The following RUFY3 variants were observed in gnomAD, a reference collection of about 807,000 sequenced individuals.
RUFY3 encodes the protein protein RUFY3.
RUFY3 carries 34 observed loss-of-function variants against 84.0 expected under a neutral mutation model. That is an observed-to-expected ratio of 0.40 (90% confidence interval 0.31 to 0.54). RUFY3 has a LOEUF of 0.54. Among genes scored for constraint, RUFY3 ranks in the 20% least tolerant of loss-of-function variants. The pLI is 0.39. For missense variants in RUFY3, 507 were observed against 736.8 expected (o/e 0.69, Z 3.61); for synonymous variants, 242 against 252.9 (o/e 0.96, Z 0.41).
chr4:70,734,394 A>G, intron 1 of RUFY3: 3 of 985,414 alleles, frequency 3.0e-6, no homozygotes, highest in Non-Finnish European at 3.6e-6. Context: ...CCACCAGTGC[A>G]GTCAGCCTTA....
At chr4:70,772,762 G>A (rs902141210) in intron 5 of RUFY3, among the ~76,000 whole-genome samples, 1 of 152,104 alleles carries the variant, frequency 6.6e-6, no homozygotes, top group Non-Finnish European at 1.5e-5. Flanking sequence ...CTGGATTCAA[G>A]CAATTCTCCT....
upstream of RUFY3, among the ~76,000 whole-genome samples, chr4:70,719,901 T>TTGAATGAA (rs542876190): frequency 6.6e-6 from 1 of 152,214 alleles, no homozygotes; most frequent in Admixed American, 6.5e-5. Flanking sequence ...TGAATATCTG[T>TTGAATGAA]TGAATGAATG....
At chr4:70,794,103 G>A (rs1425724901) in intron 13 of RUFY3, among the ~76,000 whole-genome samples, 199 bp downstream of exon 13, 1 of 152,094 alleles carries the variant, frequency 6.6e-6, no homozygotes, top group African/African-American at 2.4e-5. Flanking sequence ...CAAAGAATTA[G>A]GAAATTAGAG....
chr4:70,767,174 C>T (rs2148718478), intron 4 of RUFY3, among the ~76,000 whole-genome samples: 1 of 152,062 alleles, frequency 6.6e-6, no homozygotes, highest in East Asian at 1.9e-4. Context: ...CAATCTCCGC[C>T]TCCCAGGTTC....
chr4:70,753,004 TAAC>T (rs1272884507), intron 1 of RUFY3, among the ~76,000 whole-genome samples: 1 of 152,240 alleles, frequency 6.6e-6, no homozygotes, highest in South Asian at 2.1e-4. Flanking sequence ...TGGTAGATTT[TAAC>T]AACGAGACTA....
In RUFY3 at chr4:70,808,012, G is replaced by A. The variant is rs1733006871; in HGVS notation, c.*1353G>A. 6.6e-6 allele frequency among the ~76,000 whole-genome samples: 1 copy of A among 152,094 alleles called. No homozygotes were observed. Among genetic ancestry groups the A allele is most frequent in the African/African-American group, 2.4e-5 (1 of 41,416 alleles). On this transcript the variant is annotated 3_prime_UTR_variant, in exon 18 of 18. Transcript: ENST00000381006. The stretch of plus-strand genomic sequence containing the variant: ...CCATGGGTGCTCAAGTCCCATTATA[G>A]AGAATGGGTTATATGGTATTTGCAT...
chr4:70,782,996 C>G, intron 8 of RUFY3, 95 bp from the exon 9 acceptor site: 1 of 716,640 alleles, frequency 1.4e-6, no homozygotes, highest in Non-Finnish European at 2.3e-6. Flanking sequence ...TAAGAATATC[C>G]AAGCCTGAGA....
At chr4:70,713,609 A>G (rs977587408) in intron 1 of RUFY3, among the ~76,000 whole-genome samples, 2 of 152,206 alleles carry the variant, frequency 1.3e-5, no homozygotes, top group Non-Finnish European at 2.9e-5. Flanking sequence ...TGTGTAGGAA[A>G]GGAGAGCCTG....
intron 1 of RUFY3, among the ~76,000 whole-genome samples, chr4:70,743,792 G>C (rs1406166559): frequency 6.6e-6 from 1 of 151,554 alleles, no homozygotes; most frequent in Non-Finnish European, 1.5e-5. Context: ...TTTCTGAAAA[G>C]TAGTTAAAAA....
chr4:70,774,644 A>AAAAAAAAT (rs1553916771), intron 6 of RUFY3, among the ~76,000 whole-genome samples: 3 of 56,674 alleles, frequency 5.3e-5, no homozygotes, highest in African/African-American at 8.4e-5. Context: ...AAAAAAAAAA[A>AAAAAAAAT]ATATATATAT....
chr4:70,750,550 C>T (rs1722961442), intron 1 of RUFY3, among the ~76,000 whole-genome samples: 1 of 152,070 alleles, frequency 6.6e-6, no homozygotes, highest in Non-Finnish European at 1.5e-5. Context: ...AATTCACATA[C>T]CATAAAGGTC....
At chr4:70,720,226 T>C (rs938318738), upstream of RUFY3, among the ~76,000 whole-genome samples, 1 of 152,142 alleles carries the variant, frequency 6.6e-6, no homozygotes, top group African/African-American at 2.4e-5. Flanking sequence ...TAATTTTTGT[T>C]TTTGTAGAGA....
chr4:70,804,406 G>C lies in RUFY3; in HGVS notation c.1709G>C (p.Ser570Thr), dbSNP rs1394292127. Residue 570 changes from serine to threonine, a missense_variant, in exon 17 of 18, where the codon AGC becomes ACC. Ser to Thr is a moderately conservative substitution (Grantham distance 58). Around this residue, in one of 4 missense-constraint regions of RUFY3, gnomAD observed 334 missense variants for 364.1 expected, o/e 0.92. Transcript: ENST00000381006. ...QLCQLCQEDG[S>T]LTKNVCKNCS... ...TGTCAGCTATGCCAGGAAGACGGCA[G>C]CCTAACAAAGGTAACTGTGATGAGA... 2 of 1,613,848 alleles carry C rather than the reference G, an allele frequency of 1.2e-6. No homozygotes were observed. Among genetic ancestry groups the C allele is most frequent in the East Asian group, 4.5e-5 (2 of 44,858 alleles).
chr4:70,753,836 A>C (rs766952370), intron 1 of RUFY3, among the ~76,000 whole-genome samples: 10 of 152,086 alleles, frequency 6.6e-5, no homozygotes, highest in Non-Finnish European at 1.2e-4. Context: ...AAGGGAAAAA[A>C]CTGAACAAGC....
At chr4:70,706,815 A>C (rs541932193) in intron 1 of RUFY3, among the ~76,000 whole-genome samples, 40 of 152,354 alleles carry the variant, frequency 2.6e-4, no homozygotes, top group African/African-American at 9.1e-4. Context: ...TCCTATACAG[A>C]GGAGGCAAAG....
Position 70,790,738 on chromosome 4 carries a change from G to A in RUFY3, c.1337+1146G>A, listed in dbSNP as rs563361443. ...TAGTTAACGAATCTTTTAAGTTCCC[G>A]TATTAGATCTGTCGCAGTGCCTTGA... is the stretch of plus-strand genomic sequence containing the variant. On this transcript the variant is annotated intron_variant, in intron 12 of 17. Transcript: ENST00000381006. 5.9e-5 allele frequency among the ~76,000 whole-genome samples: 9 copies of A among 152,258 alleles called. No homozygotes were observed. In the South Asian group the frequency reaches 1.0e-3, roughly 18 times the overall value.
At chr4:70,712,754 A>G (rs1199436302) in intron 1 of RUFY3, among the ~76,000 whole-genome samples, 1 of 152,232 alleles carries the variant, frequency 6.6e-6, no homozygotes, top group Non-Finnish European at 1.5e-5. Flanking sequence ...AATAATTAAA[A>G]GAACTAACTA....
At position 70,792,912 on chromosome 4, in the gene RUFY3, A is replaced by G. The variant is rs1002634031; in HGVS notation, c.1338-873A>G. 6.4e-5 allele frequency: 63 copies of G among 985,254 alleles called. 1 individual carries two copies. The highest frequency in any genetic ancestry group is 1.2e-4 in the African/African-American group (7 of 57,226). The allele number at this position is 985,254 out of a possible 1,614,324, so 61.0% of individuals were successfully genotyped here. A position where few individuals can be genotyped will look rare whatever the true frequency, so the allele number is the denominator to read the frequency against. ...TCCTACTGTATTCTTCTCTTCATCA[A>G]CCTTTTGTGGTGATGGGTTGCCTTT... On this transcript the variant is annotated intron_variant, in intron 12 of 17. Transcript: ENST00000381006.
chr4:70,739,828 T>TA (rs572519160), intron 1 of RUFY3, among the ~76,000 whole-genome samples: 402 of 98,050 alleles, frequency 4.1e-3, no homozygotes, highest in East Asian at 0.031. Flanking sequence ...ACTTAAAGTA[T>TA]AAAAAAAAAA....
Sources: allele counts gnomAD v4.1 joint callset (sites outside exome capture counted in the v4.1 genomes callset), GRCh38; gene constraint gnomAD v4.1.1; regional missense constraint gnomAD v4.1.1; transcripts MANE v1.5; gene names NCBI Gene and HGNC (gene_info 2026-07-23, HGNC 2026-07-21).